Variants in RASGEF1B observed in about 807,000 individuals in gnomAD.
The protein encoded by RASGEF1B is ras-GEF domain-containing family member 1B.
RASGEF1B carries 30 observed loss-of-function variants against 65.7 expected under a neutral mutation model. That is an observed-to-expected ratio of 0.46 (90% CI 0.34 to 0.62). RASGEF1B has a LOEUF of 0.62. RASGEF1B is among the 20% of genes least tolerant of loss of function. RASGEF1B has a pLI of 0.01. For missense variants in RASGEF1B, 495 were observed against 580.1 expected (o/e 0.85, Z 1.51); for synonymous variants, 175 against 194.8 (o/e 0.90, Z 0.85).
chr4:81,466,770 A>AAAAGAAAGAAAAAGAAAGAAAG (rs1722833390), intron 1 of RASGEF1B, among the ~76,000 whole-genome samples: 2 of 36,100 alleles, frequency 5.5e-5, no homozygotes, highest in African/African-American at 1.9e-4. Flanking sequence ...AAAAAAAAAA[A>AAAAGAAAGAAAAAGAAAGAAAG]AAAGAAAGAA....
At chr4:81,433,457 G>C (rs191848718) in intron 12 of RASGEF1B, among the ~76,000 whole-genome samples, 2 of 151,614 alleles carry the variant, frequency 1.3e-5, no homozygotes, top group Non-Finnish European at 2.9e-5. Flanking sequence ...TTTTTTAAAC[G>C]GCAGGGGGTA....
intron 8 of RASGEF1B, among the ~76,000 whole-genome samples, chr4:81,444,912 C>T (rs1357733407): frequency 2.0e-5 from 3 of 152,144 alleles, no homozygotes; most frequent in African/African-American, 7.2e-5. Flanking sequence ...AACTAGGACA[C>T]TTTTTAATGA....
chr4:81,465,312 A>G (rs1722770701), intron 1 of RASGEF1B, among the ~76,000 whole-genome samples: 1 of 152,236 alleles, frequency 6.6e-6, no homozygotes. Context: ...ACAATGAAAC[A>G]GGCGAAAAGA....
chr4:81,437,942 A>G (rs1350385321), intron 10 of RASGEF1B, among the ~76,000 whole-genome samples: 1 of 152,216 alleles, frequency 6.6e-6, no homozygotes, highest in Admixed American at 6.5e-5. Context: ...GCAAAAGTTC[A>G]TTTTCCTGAA....
At chr4:81,435,150 G>A (rs924173748) in intron 10 of RASGEF1B, among the ~76,000 whole-genome samples, 6 of 152,008 alleles carry the variant, frequency 3.9e-5, no homozygotes, top group East Asian at 1.9e-4. Context: ...GGTGGCTCAC[G>A]CCTGTAATCC....
intron 10 of RASGEF1B, among the ~76,000 whole-genome samples, chr4:81,435,269 G>GGT (rs1370383588): frequency 6.6e-6 from 1 of 151,314 alleles, no homozygotes; most frequent in African/African-American, 2.4e-5. Flanking sequence ...AAATTAGCCA[G>GGT]GTGTGGTGGC....
At chr4:81,463,122 A>C (rs1166864952) in intron 1 of RASGEF1B, among the ~76,000 whole-genome samples, 1 of 152,202 alleles carries the variant, frequency 6.6e-6, no homozygotes, top group African/African-American at 2.4e-5. Flanking sequence ...AGTCTGTCTC[A>C]AATTGTAGGC....
At chr4:81,460,859 T>C (rs561353541) in intron 1 of RASGEF1B, among the ~76,000 whole-genome samples, 10 of 152,256 alleles carry the variant, frequency 6.6e-5, no homozygotes, top group Admixed American at 5.9e-4. Flanking sequence ...TTTAACGGGA[T>C]CCATGAAAAA....
rs1339488561 is a variant in RASGEF1B at position 81,433,828 on chromosome 4, G to C, written c.1324+12C>G. 1.2e-6 allele frequency: 2 copies of C among 1,612,226 alleles called. No homozygotes were observed. The highest frequency in any genetic ancestry group is 1.1e-5 in the South Asian group (1 of 90,454). On this transcript the variant is annotated intron_variant, in intron 12 of 13. Coordinates refer to ENST00000264400, the MANE Select transcript of RASGEF1B (RefSeq NM_152545.3). The stretch of plus-strand genomic sequence containing the variant: ...GGGGATGCTAGTGGTAGCTCCTATT[G>C]AATGGCCTTACCATCTTCACTGAAG...
intron 10 of RASGEF1B, among the ~76,000 whole-genome samples, chr4:81,435,404 C>T (rs1167695549): frequency 1.1e-4 from 12 of 109,842 alleles, no homozygotes; most frequent in Non-Finnish European, 1.7e-5. Flanking sequence ...GGCGACAGAG[C>T]GAGACTCCCT....
chr4:81,466,103 G>A (rs559896792), intron 1 of RASGEF1B, among the ~76,000 whole-genome samples: 1 of 152,116 alleles, frequency 6.6e-6, no homozygotes, highest in South Asian at 2.1e-4. Context: ...CCGTATCACA[G>A]CTGAACTTTG....
rs144808705 is a variant in RASGEF1B, at chr4:81,457,565, C to G, written c.234G>C (p.Glu78Asp). The G allele has an allele frequency of 1.2e-6, 2 of 1,613,936 alleles. No homozygotes were observed. The highest frequency in any genetic ancestry group is 2.7e-5 in the African/African-American group (2 of 74,904). The change falls in exon 3 of 14, where the codon GAG becomes GAC. Residue 78 changes from glutamate (E) to aspartate (D), a missense_variant. Glu to Asp is a conservative substitution (Grantham distance 45, BLOSUM62 2). Transcript: ENST00000264400. ...LSSRLFMHPY[E>D]LMAKVCHLCV... Reference sequence around the variant, plus strand: ...ATAAGTGGCAAACTTTGGCCATTAGCTCATACGGATGCATAAATAACCGAG... The same window carrying G: ...ATAAGTGGCAAACTTTGGCCATTAGGTCATACGGATGCATAAATAACCGAG...
At chr4:81,452,620 T>C (rs1444639810) in intron 4 of RASGEF1B, 1 of 152,252 alleles carries the variant, frequency 6.6e-6, no homozygotes, top group Non-Finnish European at 1.5e-5. Context: ...TTGATTCCAT[T>C]TGAGAAATCA....
chr4:81,466,773 AGAAAGAAAGAAAG>A (rs1326197411), intron 1 of RASGEF1B, among the ~76,000 whole-genome samples: 21 of 81,162 alleles, frequency 2.6e-4, no homozygotes, highest in African/African-American at 7.9e-4. Flanking sequence ...AAAAAAAAAA[AGAAAGAAAGAAAG>A]AAAGAAAGAA....
chr4:81,430,124 AC>A (rs1453658289), intron 13 of RASGEF1B, among the ~76,000 whole-genome samples: 3 of 151,894 alleles, frequency 2.0e-5, no homozygotes, highest in Admixed American at 1.3e-4. Context: ...ACATGGTGAA[AC>A]CCCGTCTGTA....
At chr4:81,466,811 A>AAAGC in intron 1 of RASGEF1B, among the ~76,000 whole-genome samples, 1 of 149,812 alleles carries the variant, frequency 6.7e-6, no homozygotes. Context: ...AGAAAGAAAG[A>AAAGC]AAGAAAGAAA....
At chr4:81,431,052 A>G (rs1428125152) in intron 13 of RASGEF1B, among the ~76,000 whole-genome samples, 1 of 152,114 alleles carries the variant, frequency 6.6e-6, no homozygotes, top group Non-Finnish European at 1.5e-5. Context: ...TATGGAAGGC[A>G]AAATGTATCA....
chr4:81,466,538 T>C (rs572555648), intron 1 of RASGEF1B, among the ~76,000 whole-genome samples: 3 of 151,868 alleles, frequency 2.0e-5, no homozygotes, highest in Non-Finnish European at 4.4e-5. Context: ...GGTGGGCAGA[T>C]CACAAAGTCA....
At chr4:81,448,893 T>C (rs1368630069) in intron 4 of RASGEF1B, among the ~76,000 whole-genome samples, 1 of 152,128 alleles carries the variant, frequency 6.6e-6, no homozygotes, top group Non-Finnish European at 1.5e-5. Context: ...TGTCTCACTA[T>C]AACCTCCGCC....
Sources: gnomAD v4.1 joint callset for allele counts (sites outside exome capture counted in the v4.1 genomes callset) on GRCh38, gnomAD v4.1.1 for gene constraint, MANE v1.5 for transcripts, NCBI Gene and HGNC (gene_info 2026-07-23, HGNC 2026-07-21) for gene names.